Variants in WASF3 observed in about 807,000 individuals in gnomAD.
The protein encoded by WASF3 is actin-binding protein WASF3.
In WASF3, 11 loss-of-function variants were observed where a neutral mutation model predicts 46.6. That is an observed-to-expected ratio of 0.24 (90% CI 0.15 to 0.39). The LOEUF (loss-of-function observed/expected upper bound fraction) is 0.39. Ranked by LOEUF, WASF3 falls within the 10% of genes least tolerant of loss-of-function variation. The pLI is 1.00. For missense variants in WASF3, 576 were observed against 669.8 expected (o/e 0.86, Z 1.55); for synonymous variants, 242 against 259.7 (o/e 0.93, Z 0.65).
In WASF3 at chr13:26,677,420, T is replaced by C. The variant is rs533338819; in HGVS notation, c.716+696T>C. Among the ~76,000 whole-genome samples the C allele has an allele frequency of 2.4e-4, 36 of 152,350 alleles. 1 individual carries two copies. The South Asian group carries it at 2.5e-3, about 11-fold the overall frequency. ...TTCTGCTTTTGTAAAGTTGTAGTCT[T>C]CCATTTGCATAAACTCTCATCGGCA... is the stretch of plus-strand genomic sequence containing the variant. On this transcript the variant is annotated intron_variant, in intron 7 of 9. Coordinates refer to ENST00000335327, the MANE Select transcript of WASF3 (RefSeq NM_006646.6).
intron 1 of WASF3, among the ~76,000 whole-genome samples, chr13:26,592,198 A>T (rs9551299): frequency 1.3e-5 from 2 of 151,940 alleles, no homozygotes; most frequent in Non-Finnish European, 2.9e-5. Context: ...AAATATTTCA[A>T]CCTGACAGCT....
At position 26,569,381 on chromosome 13, in the gene WASF3, C is replaced by T. The variant is rs553413787; in HGVS notation, c.-109+11562C>T. Reference sequence around the variant, plus strand: ...TGAGTATATTTTAGAAGATTGAATTCGAACAGAGTGTTCTATAAATTAAAC... The same window carrying T: ...TGAGTATATTTTAGAAGATTGAATTTGAACAGAGTGTTCTATAAATTAAAC... On this transcript the variant is annotated intron_variant, in intron 1 of 9. Coordinates refer to ENST00000335327, the MANE Select transcript of WASF3 (RefSeq NM_006646.6). Among the ~76,000 whole-genome samples, 296 of 152,110 alleles carry T rather than the reference C, an allele frequency of 1.9e-3. 5 individuals are homozygous for T. In the South Asian group the frequency reaches 0.038, roughly 20 times the overall value.
chr13:26,554,782 A>C (rs916846925), upstream of WASF3, among the ~76,000 whole-genome samples: 1 of 152,192 alleles, frequency 6.6e-6, no homozygotes, highest in Non-Finnish European at 1.5e-5. Flanking sequence ...CAATTTGTTT[A>C]TTCATTCACC....
intron 3 of WASF3, among the ~76,000 whole-genome samples, chr13:26,663,106 T>C (rs1343800923): frequency 6.6e-6 from 1 of 152,124 alleles, no homozygotes; most frequent in Non-Finnish European, 1.5e-5. Flanking sequence ...GGGACAAGAC[T>C]TGGTGTTGAG....
At chr13:26,564,079 A>G (rs1657832067) in intron 1 of WASF3, among the ~76,000 whole-genome samples, 1 of 151,992 alleles carries the variant, frequency 6.6e-6, no homozygotes, top group Admixed American at 6.6e-5. Flanking sequence ...TTCCTTAAAT[A>G]CTTAAGTCAG....
chr13:26,629,381 G>T (rs1881581943), intron 2 of WASF3, among the ~76,000 whole-genome samples: 1 of 152,018 alleles, frequency 6.6e-6, no homozygotes, highest in African/African-American at 2.4e-5. Context: ...CAGGCTGTTG[G>T]CCACTGCCCA....
At chr13:26,603,516 C>T (rs980358234) in intron 1 of WASF3, among the ~76,000 whole-genome samples, 3 of 152,094 alleles carry the variant, frequency 2.0e-5, no homozygotes, top group African/African-American at 7.2e-5. Context: ...TATAAAGCAA[C>T]TTTAAGCACA....
At chr13:26,547,098 G>GT in the WASF3 span, among the ~76,000 whole-genome samples, 359 of 145,920 alleles carry the variant, frequency 2.5e-3, 2 homozygotes, top group African/African-American at 7.7e-3. Context: ...ATGGTGGTTG[G>GT]TTTTTTTTTT....
upstream of WASF3, among the ~76,000 whole-genome samples, chr13:26,554,089 TTCCTTCC>T (rs1183763031): frequency 9.6e-5 from 11 of 114,802 alleles, no homozygotes; most frequent in African/African-American, 2.2e-4. Context: ...CCTTCCTTCC[TTCCTTCC>T]TTCTTTCTTT....
chr13:26,663,679 T>G (rs887063682), intron 3 of WASF3, among the ~76,000 whole-genome samples: 9 of 152,228 alleles, frequency 5.9e-5, no homozygotes, highest in Non-Finnish European at 1.2e-4. Flanking sequence ...ATACTAATTT[T>G]AAATTCATAA....
At position 26,618,473 on chromosome 13, in the gene WASF3, T is replaced by C. The variant is rs368248412; in HGVS notation, c.-11+5415T>C. Among the ~76,000 whole-genome samples the C allele has an allele frequency of 4.3e-3, 649 of 151,840 alleles. 4 individuals carry two copies. Among genetic ancestry groups the C allele is most frequent in the African/African-American group, 0.015 (610 of 41,328 alleles). On this transcript the variant is annotated intron_variant, in intron 2 of 9. Transcript: ENST00000335327. ...CACACACTCTCTCGCTCTCTCTCTC[T>C]CCCCACCGTCTCCCCCACCTCCGCC...
intron 3 of WASF3, among the ~76,000 whole-genome samples, chr13:26,649,749 T>G (rs1418030785): frequency 6.6e-6 from 1 of 152,154 alleles, no homozygotes; most frequent in African/African-American, 2.4e-5. Flanking sequence ...AAAAATCTCT[T>G]TGTTCGTCCA....
chr13:26,621,599 C>G (rs1158051755), intron 2 of WASF3, among the ~76,000 whole-genome samples: 1 of 152,162 alleles, frequency 6.6e-6, no homozygotes, highest in African/African-American at 2.4e-5. Context: ...TCTCTGTCTC[C>G]CATCCTGTGG....
chr13:26,605,329 C>T (rs891202826), intron 1 of WASF3, among the ~76,000 whole-genome samples: 2 of 152,106 alleles, frequency 1.3e-5, no homozygotes, highest in Non-Finnish European at 2.9e-5. Flanking sequence ...ATGCCCGTTA[C>T]AAAGAAGCTC....
intron 6 of WASF3, among the ~76,000 whole-genome samples, chr13:26,672,744 A>G (rs1882957938): frequency 6.6e-6 from 1 of 152,184 alleles, no homozygotes; most frequent in Non-Finnish European, 1.5e-5. Flanking sequence ...TTTAGGAGAA[A>G]TGCTTAGCAT....
rs149577585 is a variant in WASF3, at chr13:26,574,464, AT to A, written c.-109+16655del. Among the ~76,000 whole-genome samples the A allele has an allele frequency of 3.3e-3, 481 of 147,682 alleles. 3 individuals carry two copies. The highest frequency in any genetic ancestry group is 0.011 in the African/African-American group (434 of 40,300). ...GACTATTCAGATAACTTTTGTCTTG[AT>A]TTTTTTTTTGTCTGATTATTTTTAT... On this transcript the variant is annotated intron_variant, in intron 1 of 9. Transcript: ENST00000335327.
intron 2 of WASF3, among the ~76,000 whole-genome samples, chr13:26,620,141 T>G (rs1290890322): frequency 6.6e-6 from 1 of 152,158 alleles, no homozygotes; most frequent in Non-Finnish European, 1.5e-5. Context: ...TCTCCAAGGT[T>G]CCATTTATCT....
intron 2 of WASF3, among the ~76,000 whole-genome samples, chr13:26,637,443 T>C (rs1447062336): frequency 2.0e-5 from 3 of 152,226 alleles, no homozygotes; most frequent in South Asian, 4.1e-4. Flanking sequence ...GCTCTTACTC[T>C]CACAACTGGA....
chr13:26,563,250 G>T (rs1424352251), intron 1 of WASF3, among the ~76,000 whole-genome samples: 8 of 151,828 alleles, frequency 5.3e-5, no homozygotes, highest in Admixed American at 5.3e-4. Flanking sequence ...TGTAGAGATG[G>T]TGTTTTGCTA....
Sources: allele counts gnomAD v4.1 joint callset (sites outside exome capture counted in the v4.1 genomes callset), GRCh38; gene constraint gnomAD v4.1.1; transcripts MANE v1.5; gene names NCBI Gene and HGNC (gene_info 2026-07-23, HGNC 2026-07-21).